Variants in EXOC6 observed in about 807,000 individuals in gnomAD.
EXOC6 encodes the protein SEC15-like 1.
A neutral mutation model predicts 112.5 loss-of-function variants in EXOC6; 60 were observed. The observed-to-expected ratio is 0.53, with a 90% confidence interval of 0.43 to 0.66. The LOEUF is 0.66. Ranked by LOEUF, EXOC6 falls within the 30% of genes least tolerant of loss-of-function variation. EXOC6 has a pLI of 0.00. For synonymous variants in EXOC6, 295 were observed against 308.0 expected (o/e 0.96, Z 0.44); for missense variants, 855 against 957.1 (o/e 0.89, Z 1.41).
chr10:92,878,022 T>C, intron 1 of EXOC6: 1 of 155,294 alleles, frequency 6.4e-6, no homozygotes. Flanking sequence ...TTTCTTCTTG[T>C]TGGATAATTA....
At chr10:92,953,622 T>C (rs1007497009) in intron 15 of EXOC6, among the ~76,000 whole-genome samples, 5 of 152,108 alleles carry the variant, frequency 3.3e-5, no homozygotes, top group African/African-American at 1.2e-4. Context: ...CGACAAAGAA[T>C]TATCCACCCT....
At chr10:92,993,473 T>A (rs1843352436) in intron 18 of EXOC6, among the ~76,000 whole-genome samples, 1 of 152,152 alleles carries the variant, frequency 6.6e-6, no homozygotes, top group South Asian at 2.1e-4. Flanking sequence ...AACCTTTTTT[T>A]AATAGACCTT....
At chr10:93,016,422 T>C (rs998887045) in intron 20 of EXOC6, among the ~76,000 whole-genome samples, 3 of 152,144 alleles carry the variant, frequency 2.0e-5, no homozygotes, top group Non-Finnish European at 4.4e-5. Context: ...ATTACAGGTA[T>C]AAGCCACAGC....
chr10:92,907,892 T>G (rs1485621222), intron 5 of EXOC6, among the ~76,000 whole-genome samples: 1 of 152,122 alleles, frequency 6.6e-6, no homozygotes, highest in Admixed American at 6.6e-5. Flanking sequence ...ATGTACATTT[T>G]GTTTACATTA....
intron 5 of EXOC6, among the ~76,000 whole-genome samples, chr10:92,907,771 A>G (rs1041114479): frequency 1.3e-5 from 2 of 152,134 alleles, no homozygotes; most frequent in African/African-American, 2.4e-5. Flanking sequence ...GAAAATACAT[A>G]ATTCATTATT....
At chr10:92,923,748 A>G (rs1851566201) in intron 8 of EXOC6, among the ~76,000 whole-genome samples, 1 of 152,088 alleles carries the variant, frequency 6.6e-6, no homozygotes, top group Admixed American at 6.5e-5. Flanking sequence ...ACATAGATGA[A>G]CTCAGGTGCA....
chr10:92,922,103 G>C (rs1376222123), intron 8 of EXOC6, among the ~76,000 whole-genome samples: 1 of 151,826 alleles, frequency 6.6e-6, no homozygotes, highest in Non-Finnish European at 1.5e-5. Flanking sequence ...CTGCCACCAC[G>C]CCTGACTAAT....
chr10:92,994,080 T>G (rs1843377291), intron 18 of EXOC6, among the ~76,000 whole-genome samples: 1 of 152,234 alleles, frequency 6.6e-6, no homozygotes, highest in Non-Finnish European at 1.5e-5. Flanking sequence ...CTTTGACTCT[T>G]AAGTGGCTCA....
chr10:92,989,405 TA>T (rs1843140960), intron 18 of EXOC6, among the ~76,000 whole-genome samples: 1 of 152,212 alleles, frequency 6.6e-6, no homozygotes, highest in South Asian at 2.1e-4. Flanking sequence ...GAGAGTTTAG[TA>T]AAGATGATAC....
intron 5 of EXOC6, among the ~76,000 whole-genome samples, chr10:92,905,402 G>T (rs1260304950): frequency 1.3e-5 from 2 of 151,786 alleles, no homozygotes. Flanking sequence ...TTGAGTCTTC[G>T]TATTCATTAA....
chr10:92,870,981 T>C (rs1848418665), intron 1 of EXOC6, among the ~76,000 whole-genome samples: 1 of 152,188 alleles, frequency 6.6e-6, no homozygotes, highest in Admixed American at 6.5e-5. Context: ...GTGCTAGGAT[T>C]ACAGGTGTGA....
At chr10:92,847,795 A>C (rs149247360), upstream of EXOC6, among the ~76,000 whole-genome samples, 49 of 139,758 alleles carry the variant, frequency 3.5e-4, no homozygotes, top group East Asian at 0.012. Flanking sequence ...GGGGCACCTG[A>C]GTTCACGGAC....
At chr10:92,856,062 C>G (rs1416922493) in intron 1 of EXOC6, among the ~76,000 whole-genome samples, 1 of 151,938 alleles carries the variant, frequency 6.6e-6, no homozygotes, top group Non-Finnish European at 1.5e-5. Flanking sequence ...ATAGGGTTTG[C>G]CACGTTGGCC....
chr10:92,835,076 C>T (rs548950680), intron 1 of EXOC6, among the ~76,000 whole-genome samples: 1 of 152,210 alleles, frequency 6.6e-6, no homozygotes, highest in Admixed American at 6.5e-5. Context: ...CAAAAAGGAC[C>T]TCAATCACCT....
chr10:92,829,928 G>T (rs1846446371), upstream of EXOC6, among the ~76,000 whole-genome samples: 1 of 152,120 alleles, frequency 6.6e-6, no homozygotes, highest in African/African-American at 2.4e-5. Context: ...AAATGCCATG[G>T]CAATGTCAGA....
Position 92,920,014 on chromosome 10 carries a change from C to G in EXOC6, c.852C>G (p.Ser284=). The change falls in exon 8 of 22, where the codon TCC becomes TCG. Residue 284 remains serine, a synonymous_variant. Transcript: ENST00000260762. The stretch of plus-strand genomic sequence containing the variant: ...CTGTTCAGGATCTTGTTGATTTTTC[C>G]CCTGTTTATCGATGTTTGCACATTT... ...ILTVQDLVDF[S]PVYRCLHIYS... 1 of 1,604,870 alleles carries G rather than the reference C, an allele frequency of 6.2e-7. No homozygotes were observed. Among genetic ancestry groups the G allele is most frequent in the Non-Finnish European group, 8.5e-7 (1 of 1,175,246 alleles).
chr10:92,965,726 A>G (rs1264438868), intron 17 of EXOC6, among the ~76,000 whole-genome samples: 1 of 152,196 alleles, frequency 6.6e-6, no homozygotes, highest in East Asian at 1.9e-4. Context: ...AGCCTTTTCT[A>G]TCTTTTCTTT....
chr10:92,848,768 C>A, intron 1 of EXOC6, 134 bp downstream of exon 1: 1 of 633,638 alleles, frequency 1.6e-6, no homozygotes, highest in Non-Finnish European at 2.1e-6. Context: ...CGGGCGGGGG[C>A]GCTCGCGGGT....
Position 92,894,931 on chromosome 10 carries a change from T to TA in EXOC6, c.323_324insA (p.Ile109AspfsTer11). Reference sequence around the variant, plus strand: ...TATGAACATTCCTTCTTTTCTAAGGTGATAGTCCACACAGAAGATATCATT... The same window carrying TA: ...TATGAACATTCCTTCTTTTCTAAGGTAGATAGTCCACACAGAAGATATCATT... On this transcript the variant is annotated frameshift_variant and splice_region_variant, in exon 4 of 22. Coordinates refer to ENST00000260762, the MANE Select transcript of EXOC6 (RefSeq NM_019053.6). LOFTEE classifies it high-confidence loss of function. The TA allele has an allele frequency of 1.9e-6, 3 of 1,609,976 alleles. No homozygotes were observed. The highest frequency in any genetic ancestry group is 2.6e-6 in the Non-Finnish European group (3 of 1,176,418).
Sources: gnomAD v4.1 joint callset for allele counts (sites outside exome capture counted in the v4.1 genomes callset) on GRCh38, gnomAD v4.1.1 for gene constraint, MANE v1.5 for transcripts, NCBI Gene and HGNC (gene_info 2026-07-23, HGNC 2026-07-21) for gene names.